The following TIAM2 variants were observed in gnomAD, a reference collection of about 807,000 sequenced individuals.
TIAM2 encodes rho guanine nucleotide exchange factor TIAM2.
TIAM2 carries 80 observed loss-of-function variants against 152.9 expected under a neutral mutation model. That is an observed-to-expected ratio of 0.52 (90% CI 0.44 to 0.63). TIAM2 has a LOEUF of 0.63. Ranked by LOEUF, TIAM2 falls within the 30% of genes least tolerant of loss-of-function variation. TIAM2 has a pLI of 0.00. For missense variants in TIAM2, 1,965 were observed against 2,120.1 expected, an observed-to-expected ratio of 0.93 and a Z score of 1.44; for synonymous variants, 804 against 838.0, an observed-to-expected ratio of 0.96 and a Z score of 0.70.
At chr6:155,247,706 G>A (rs1783416175) in intron 19 of TIAM2, among the ~76,000 whole-genome samples, 1 of 152,190 alleles carries the variant, frequency 6.6e-6, no homozygotes, top group African/African-American at 2.4e-5. Context: ...GGGTATGCAT[G>A]AAATGTGTCT....
Position 155,214,861 on chromosome 6 carries a change from A to C in TIAM2, c.3168+3554A>C, listed in dbSNP as rs937683382. Among the ~76,000 whole-genome samples, 7 of 152,200 alleles carry C rather than the reference A, an allele frequency of 4.6e-5. No homozygotes were observed. Among genetic ancestry groups the C allele is most frequent in the Non-Finnish European group, 1.0e-4 (7 of 68,038 alleles). On this transcript the variant is annotated intron_variant, in intron 15 of 26. Coordinates refer to ENST00000682666, the MANE Select transcript of TIAM2 (RefSeq NM_012454.4). The surrounding 1 kb of genome is among the most constrained non-coding windows in gnomAD (Gnocchi z 5.4). ...TCACTATGTTGCTGAGGCTGGTCTC[A>C]AACTCCTGGGCTCAAGAGATCCTAC...
At chr6:155,013,332 T>A (rs113567930) in intron 1 of TIAM2, among the ~76,000 whole-genome samples, 2 of 152,250 alleles carry the variant, frequency 1.3e-5, no homozygotes, top group African/African-American at 4.8e-5. Flanking sequence ...ATTCCGAGTT[T>A]GATGTGGAGT....
intron 4 of TIAM2, among the ~76,000 whole-genome samples, chr6:155,131,966 A>G (rs573247106): frequency 6.6e-6 from 1 of 152,106 alleles, no homozygotes; most frequent in South Asian, 2.1e-4. Context: ...AGAAAAATAT[A>G]TATACTGATA....
chr6:155,164,656 C>T, intron 8 of TIAM2, 56 bp downstream of exon 8: 1 of 1,552,452 alleles, frequency 6.4e-7, no homozygotes, highest in Non-Finnish European at 8.7e-7. Flanking sequence ...GCGGATGCTC[C>T]CCCTTTCTTC....
chr6:155,123,185 G>GTTTTTTTT (rs34702441), intron 2 of TIAM2, among the ~76,000 whole-genome samples: 1 of 148,072 alleles, frequency 6.8e-6, no homozygotes. Context: ...GTTTAAGGCT[G>GTTTTTTTT]TTTTTTTTTT....
chr6:155,152,752 C>T (rs540902390), intron 7 of TIAM2, among the ~76,000 whole-genome samples: 1 of 152,066 alleles, frequency 6.6e-6, no homozygotes, highest in African/African-American at 2.4e-5. Context: ...ATGTTTAGGG[C>T]TAGGGAGAGA....
chr6:155,183,116 A>G (rs1346143529), intron 13 of TIAM2, 121 bp from the exon 14 acceptor site: 2 of 1,308,436 alleles, frequency 1.5e-6, no homozygotes, highest in Non-Finnish European at 2.1e-6. Flanking sequence ...TCTTTGAAGA[A>G]AGCAACAAAC....
At chr6:155,059,444 C>A (rs1777528084) in intron 1 of TIAM2, among the ~76,000 whole-genome samples, 1 of 152,048 alleles carries the variant, frequency 6.6e-6, no homozygotes, top group South Asian at 2.1e-4. Flanking sequence ...CTGCCTCAGC[C>A]TCCCAAGTTG....
intron 15 of TIAM2, among the ~76,000 whole-genome samples, chr6:155,219,238 T>A (rs994179974): frequency 6.6e-6 from 1 of 152,170 alleles, no homozygotes; most frequent in African/African-American, 2.4e-5. Context: ...TTTTTTTTAA[T>A]GTATAGTGTT....
At chr6:155,029,365 T>A (rs1173090281) in intron 1 of TIAM2, among the ~76,000 whole-genome samples, 2 of 107,166 alleles carry the variant, frequency 1.9e-5, no homozygotes, top group African/African-American at 7.0e-5. Flanking sequence ...TTATATATAA[T>A]ATATACTATA....
intron 5 of TIAM2, among the ~76,000 whole-genome samples, chr6:155,139,016 G>A (rs1233220441): frequency 2.0e-5 from 3 of 152,208 alleles, no homozygotes; most frequent in South Asian, 2.1e-4. Context: ...GAGCGGCCTC[G>A]CAGCCTCTGG....
chr6:155,164,101 AG>A (rs1780347143), intron 7 of TIAM2, among the ~76,000 whole-genome samples: 1 of 145,720 alleles, frequency 6.9e-6, no homozygotes, highest in African/African-American at 2.5e-5. Flanking sequence ...CTGAGATTAC[AG>A]GTGCCTGGCA....
At chr6:155,027,855 CTG>C (rs1583157270) in intron 1 of TIAM2, among the ~76,000 whole-genome samples, 1 of 96,436 alleles carries the variant, frequency 1.0e-5, no homozygotes. Flanking sequence ...AATATATGTA[CTG>C]TGTTATATAC....
At chr6:155,071,185 A>AC (rs1275786258) in intron 1 of TIAM2, among the ~76,000 whole-genome samples, 1 of 119,530 alleles carries the variant, frequency 8.4e-6, no homozygotes, top group African/African-American at 3.0e-5. Flanking sequence ...AAAAAAGAAA[A>AC]AAAGACACAT....
chr6:155,191,097 C>T (rs922964175), intron 14 of TIAM2, among the ~76,000 whole-genome samples: 13 of 152,134 alleles, frequency 8.5e-5, no homozygotes, highest in Non-Finnish European at 1.8e-4. Context: ...GTAATACATG[C>T]GCATGGTACA....
chr6:155,207,957 A>G (rs941937740), intron 14 of TIAM2, among the ~76,000 whole-genome samples: 2 of 152,152 alleles, frequency 1.3e-5, no homozygotes, highest in African/African-American at 2.4e-5. Context: ...CGCTTTTGAC[A>G]TCAGCCATGC....
chr6:155,056,410 G>T (rs950020280), intron 1 of TIAM2, among the ~76,000 whole-genome samples: 2 of 152,030 alleles, frequency 1.3e-5, no homozygotes, highest in African/African-American at 4.8e-5. Flanking sequence ...GGTCTCAAGT[G>T]ATCCGCCTGC....
chr6:155,046,720 C>T (rs1399504311), intron 1 of TIAM2, among the ~76,000 whole-genome samples: 1 of 152,120 alleles, frequency 6.6e-6, no homozygotes, highest in Non-Finnish European at 1.5e-5. Flanking sequence ...CCAGGAGCTT[C>T]TGTGCTTCTC....
At position 154,995,338 on chromosome 6, in the gene TIAM2, CG is replaced by C. The variant is rs1296862150; in HGVS notation, c.-361del. On this transcript the variant is annotated 5_prime_UTR_variant, in exon 1 of 27. Coordinates refer to ENST00000682666, the MANE Select transcript of TIAM2 (RefSeq NM_012454.4). The surrounding 1 kb of genome is among the most constrained non-coding windows in gnomAD (Gnocchi z 5.2). ...GCAGCGGTAACCGTAACTGTGGCCG[CG>C]GCCGCCGCAGGCGCACAGCGCGCGT... 3 of 151,082 alleles carry C rather than the reference CG, an allele frequency of 2.0e-5. No homozygotes were observed. Among genetic ancestry groups the C allele is most frequent in the African/African-American group, 4.8e-5 (2 of 41,272 alleles). The allele number at this position is 151,082 out of a possible 1,614,324, so 9.4% of individuals were successfully genotyped here. A position where few individuals can be genotyped will look rare whatever the true frequency, so the allele number is the denominator to read the frequency against.
Sources: gnomAD v4.1 joint callset for allele counts (sites outside exome capture counted in the v4.1 genomes callset) on GRCh38, gnomAD v4.1.1 for gene constraint, Gnocchi (gnomAD v3.1) non-coding constraint, MANE v1.5 for transcripts, NCBI Gene and HGNC (gene_info 2026-07-23, HGNC 2026-07-21) for gene names.